Variants in POLK observed in about 807,000 individuals in gnomAD.
POLK encodes the protein polymerase (DNA directed) kappa.
In POLK, 76 loss-of-function variants were observed where a neutral mutation model predicts 94.0. The observed-to-expected ratio is 0.81, with a 90% confidence interval of 0.67 to 0.98. The LOEUF (loss-of-function observed/expected upper bound fraction) is 0.98, where lower values mean the gene tolerates loss of function less well. Among genes scored for constraint, POLK ranks in the 50% least tolerant of loss-of-function variants. The pLI, the probability that POLK is intolerant of heterozygous loss-of-function variation, is 0.00. For synonymous variants in POLK, 349 were observed against 325.4 expected (o/e 1.07, Z -0.78); for missense variants, 954 against 1,010.1 (o/e 0.94, Z 0.75).
chr5:75,580,358 A>G (rs1318164778), intron 6 of POLK, among the ~76,000 whole-genome samples: 1 of 152,154 alleles, frequency 6.6e-6, no homozygotes, highest in African/African-American at 2.4e-5. Flanking sequence ...AAGCCAAGAA[A>G]ACAGGCTTTA....
At chr5:75,569,400 A>G in exon 4 of POLK, 1 of 1,613,636 alleles carries the variant, frequency 6.2e-7, no homozygotes. Flanking sequence ...CATAGTGCAC[A>G]TTGACATGGA....
At chr5:75,525,973 G>A (rs747566649) in intron 1 of POLK, among the ~76,000 whole-genome samples, 28 of 152,154 alleles carry the variant, frequency 1.8e-4, no homozygotes, top group Non-Finnish European at 2.8e-4. Context: ...ATGTGTTAAA[G>A]ACACTTAAAT....
At chr5:75,568,755 C>T (rs1233190838) in intron 3 of POLK, 2 of 367,174 alleles carry the variant, frequency 5.4e-6, no homozygotes, top group Non-Finnish European at 5.3e-6. Flanking sequence ...TTCAGTTGTA[C>T]CTTCCTGTTC....
At chr5:75,542,437 G>A (rs1395239551) in intron 1 of POLK, among the ~76,000 whole-genome samples, 2 of 151,658 alleles carry the variant, frequency 1.3e-5, no homozygotes, top group African/African-American at 4.8e-5. Flanking sequence ...TCACAGTGTG[G>A]TTTTTTATAT....
At chr5:75,535,250 A>G (rs1165813403) in intron 1 of POLK, among the ~76,000 whole-genome samples, 2 of 152,122 alleles carry the variant, frequency 1.3e-5, no homozygotes, top group East Asian at 3.8e-4. Flanking sequence ...CTTGGTTGAA[A>G]ATTTTTTTTT....
At chr5:75,555,376 G>C (rs1206880916) in intron 3 of POLK, among the ~76,000 whole-genome samples, 3 of 151,988 alleles carry the variant, frequency 2.0e-5, no homozygotes, top group Non-Finnish European at 4.4e-5. Context: ...CCCTTTTCCA[G>C]AATGTCATAT....
chr5:75,596,822 C>T, exon 13 of POLK: 2 of 1,611,102 alleles, frequency 1.2e-6, no homozygotes, highest in South Asian at 1.1e-5. Flanking sequence ...ATAGATAACT[C>T]ATCTAAAGCA....
chr5:75,512,118 G>T, intron 1 of POLK: 1 of 265,380 alleles, frequency 3.8e-6, no homozygotes, highest in South Asian at 7.5e-5. Flanking sequence ...AGGGCGGCTT[G>T]TCGAAAGCCC....
intron 3 of POLK, among the ~76,000 whole-genome samples, chr5:75,557,798 T>C (rs72633974): frequency 0.12 from 18,970 of 152,210 alleles, 1,299 homozygotes; most frequent in East Asian, 0.23. Context: ...TTATGTTTTG[T>C]TTTGTTTTTG....
At chr5:75,554,002 TG>T (rs1412034679) in intron 3 of POLK, among the ~76,000 whole-genome samples, 1 of 152,182 alleles carries the variant, frequency 6.6e-6, no homozygotes. Flanking sequence ...TTAACAAAAG[TG>T]AATTATTTTC....
intron 1 of POLK, among the ~76,000 whole-genome samples, chr5:75,527,158 A>G (rs1282848943): frequency 6.6e-6 from 1 of 152,084 alleles, no homozygotes; most frequent in Non-Finnish European, 1.5e-5. Context: ...GCTTTGTTCT[A>G]TTCTCCTCTA....
At position 75,576,949 on chromosome 5, in the gene POLK, A is replaced by AAT; in HGVS notation, c.694+16_694+17insAT. On this transcript the variant is annotated intron_variant, in intron 6 of 14. Transcript: ENST00000241436. ...GTAGAAAATGGTAAGCAACTTATTA[A>AAT]GACTATCAAACCAAGAAGCAGTGAA... 2.0e-6 allele frequency: 3 copies of AAT among 1,495,576 alleles called. No individual in the cohort carries two copies. In the South Asian group the frequency reaches 4.1e-5, roughly 20 times the overall value. The allele number at this position is 1,495,576 out of a possible 1,614,324, so 92.6% of individuals were successfully genotyped here. A position where few individuals can be genotyped will look rare whatever the true frequency, so the allele number is the denominator to read the frequency against.
intron 1 of POLK, among the ~76,000 whole-genome samples, chr5:75,536,856 C>T (rs925782632): frequency 4.6e-5 from 7 of 152,234 alleles, no homozygotes; most frequent in Non-Finnish European, 8.8e-5. Context: ...CTCTCACAAG[C>T]ATTGCTTGCC....
upstream of POLK, chr5:75,511,687 T>C (rs1580883623): frequency 1.0e-5 from 15 of 1,496,104 alleles, no homozygotes; most frequent in South Asian, 1.5e-4. Context: ...CCCCCACTAC[T>C]CCCCGCCCCG....
chr5:75,581,493 A>T, intron 7 of POLK, 45 bp downstream of exon 7: 1 of 1,535,816 alleles, frequency 6.5e-7, no homozygotes. Context: ...TAATTTTCAG[A>T]CTGGCTAATT....
intron 7 of POLK, 28 bp downstream of exon 7, chr5:75,581,476 G>C: frequency 6.3e-7 from 1 of 1,590,700 alleles, no homozygotes; most frequent in Non-Finnish European, 8.6e-7. Context: ...GATGGCCACT[G>C]TAGTTATAAT....
At chr5:75,511,040 C>A, upstream of POLK, 1 of 1,453,834 alleles carries the variant, frequency 6.9e-7, no homozygotes, top group South Asian at 1.4e-5. Context: ...CAGCCCCACC[C>A]CACCGCCTCA....
chr5:75,558,059 G>A (rs1442220337), intron 3 of POLK, among the ~76,000 whole-genome samples: 1 of 152,150 alleles, frequency 6.6e-6, no homozygotes, highest in Non-Finnish European at 1.5e-5. Flanking sequence ...AAAGTGCTGG[G>A]ATTACAGATG....
chr5:75,583,576 T>G (rs1386114043), intron 8 of POLK, among the ~76,000 whole-genome samples, 159 bp downstream of exon 8: 1 of 152,184 alleles, frequency 6.6e-6, no homozygotes, highest in Non-Finnish European at 1.5e-5. Flanking sequence ...AAGAAACCTT[T>G]CTATGAAACC....
Sources: gnomAD v4.1 joint callset for allele counts (sites outside exome capture counted in the v4.1 genomes callset) on GRCh38, gnomAD v4.1.1 for gene constraint, MANE v1.5 for transcripts, NCBI Gene and HGNC (gene_info 2026-07-23, HGNC 2026-07-21) for gene names.